The following ASTN1 variants were observed in gnomAD, a reference collection of about 807,000 sequenced individuals.
The protein encoded by ASTN1 is astrotactin 1, also known as astrotactin-1.
In ASTN1, 41 loss-of-function variants were observed where a neutral mutation model predicts 140.7. The ratio of observed to expected loss-of-function variants is 0.29; its 90% confidence interval spans 0.23 to 0.38. The LOEUF is 0.38. Among genes scored for constraint, ASTN1 ranks in the 10% least tolerant of loss-of-function variants. The pLI, the probability that ASTN1 is intolerant of heterozygous loss-of-function variation, is 1.00. For synonymous variants in ASTN1, 640 were observed against 652.2 expected, an observed-to-expected ratio of 0.98 and a Z score of 0.29; for missense variants, 1,479 against 1,678.8, an observed-to-expected ratio of 0.88 and a Z score of 2.08.
intron 1 of ASTN1, among the ~76,000 whole-genome samples, chr1:177,086,553 T>C (rs531904868): frequency 6.6e-6 from 1 of 152,198 alleles, no homozygotes; most frequent in Non-Finnish European, 1.5e-5. Context: ...GCACATATGA[T>C]GGAATACTAC....
At chr1:177,057,609 A>G (rs1193757470) in intron 2 of ASTN1, among the ~76,000 whole-genome samples, 1 of 152,218 alleles carries the variant, frequency 6.6e-6, no homozygotes, top group Non-Finnish European at 1.5e-5. Flanking sequence ...TTTTCTTAAC[A>G]GAAGAGGTTG....
chr1:177,031,584 A>G (rs1214599437), intron 3 of ASTN1, among the ~76,000 whole-genome samples: 3 of 152,214 alleles, frequency 2.0e-5, no homozygotes, highest in Non-Finnish European at 4.4e-5. Flanking sequence ...TTGGCTCTTC[A>G]TGTAGAATGT....
At chr1:177,045,564 T>G (rs1425468066) in intron 2 of ASTN1, among the ~76,000 whole-genome samples, 2 of 152,144 alleles carry the variant, frequency 1.3e-5, no homozygotes, top group Non-Finnish European at 2.9e-5. Context: ...AGGTGGTGGT[T>G]TCATTTCCCA....
intron 1 of ASTN1, among the ~76,000 whole-genome samples, chr1:177,120,400 T>C (rs1681324428): frequency 6.6e-6 from 1 of 152,130 alleles, no homozygotes; most frequent in South Asian, 2.1e-4. Context: ...GGCTTTCTCC[T>C]CACCTCACGC....
At chr1:176,964,304 C>G (rs903439151) in intron 9 of ASTN1, among the ~76,000 whole-genome samples, 1 of 152,088 alleles carries the variant, frequency 6.6e-6, no homozygotes, top group Non-Finnish European at 1.5e-5. Context: ...ATTCATCAGC[C>G]GCTTATGCAG....
At chr1:176,923,460 AATGGG>A (rs1670824853) in intron 16 of ASTN1, among the ~76,000 whole-genome samples, 3 of 152,170 alleles carry the variant, frequency 2.0e-5, no homozygotes, top group Non-Finnish European at 4.4e-5. Flanking sequence ...CTTAGAGTAG[AATGGG>A]CAATACAGCA....
intron 16 of ASTN1, among the ~76,000 whole-genome samples, chr1:176,898,208 G>T (rs567974058): frequency 1.3e-5 from 2 of 152,326 alleles, no homozygotes; most frequent in African/African-American, 4.8e-5. Flanking sequence ...GTAGAAATCC[G>T]TGGAGGGAAC....
intron 1 of ASTN1, among the ~76,000 whole-genome samples, chr1:177,097,511 G>C (rs897733175): frequency 1.3e-5 from 2 of 152,074 alleles, no homozygotes; most frequent in Non-Finnish European, 2.9e-5. Flanking sequence ...ATAGTACTAC[G>C]ATATCATGAT....
In ASTN1 at chr1:176,862,360, G is replaced by A. The variant is rs944217338; in HGVS notation, c.*1924C>T. On this transcript the variant is annotated 3_prime_UTR_variant, in exon 23 of 23. Transcript: ENST00000361833. ...CTTCCTTCCCAGTCATGAGGGTGGG[G>A]AGGAGGGCCATGTGCAGTGGAACTA... The A allele has an allele frequency of 5.1e-6, 5 of 985,496 alleles. No individual in the cohort carries two copies. The highest frequency in any genetic ancestry group is 4.8e-6 in the Non-Finnish European group (4 of 829,996). 61.0% of individuals were successfully genotyped at this position (985,496 alleles called of 1,614,324 possible).
intron 12 of ASTN1, 47 bp downstream of exon 12, chr1:176,949,138 C>G: frequency 6.2e-7 from 1 of 1,608,892 alleles, no homozygotes; most frequent in South Asian, 1.1e-5. Context: ...AGTCCTGCGT[C>G]CTGGGACAGA....
chr1:177,014,732 T>C, intron 8 of ASTN1, 59 bp downstream of exon 8: 12 of 1,478,590 alleles, frequency 8.1e-6, no homozygotes, highest in Non-Finnish European at 1.0e-5. Context: ...CTCCACGTCA[T>C]GTCTGTGTAA....
intron 1 of ASTN1, among the ~76,000 whole-genome samples, chr1:177,067,709 T>A (rs141256983): frequency 2.1e-3 from 326 of 152,254 alleles, no homozygotes; most frequent in African/African-American, 7.5e-3. Context: ...AGTCTTAATG[T>A]CTGTGGAAAG....
At chr1:176,945,861 G>T in intron 13 of ASTN1, 65 bp downstream of exon 13, 2 of 1,470,766 alleles carry the variant, frequency 1.4e-6, no homozygotes, top group Non-Finnish European at 1.8e-6. Context: ...TTATGCTAGT[G>T]CAAACTCTTT....
intron 8 of ASTN1, among the ~76,000 whole-genome samples, chr1:176,996,254 CA>C (rs1425184775): frequency 6.7e-6 from 1 of 149,250 alleles, no homozygotes; most frequent in African/African-American, 2.5e-5. Flanking sequence ...GAGACAGAGT[CA>C]TATATCCTCT....
At chr1:177,076,929 C>T (rs1169353292) in intron 1 of ASTN1, among the ~76,000 whole-genome samples, 2 of 152,128 alleles carry the variant, frequency 1.3e-5, no homozygotes, top group Non-Finnish European at 1.5e-5. Flanking sequence ...GAAAGTCTGT[C>T]ATCAGGGCCG....
At position 177,032,632 on chromosome 1, in the gene ASTN1, G is replaced by T. The variant is rs771638777; in HGVS notation, c.689C>A (p.Thr230Asn). 1.9e-6 allele frequency: 3 copies of T among 1,614,172 alleles called. No individual in the cohort carries two copies. The highest frequency in any genetic ancestry group is 4.5e-5 in the East Asian group (2 of 44,870). Residue 230 changes from threonine (T) to asparagine (N), a missense_variant, in exon 3 of 23, where the codon ACC becomes AAC. By Grantham distance (65) the Thr-to-Asn change is moderately conservative (BLOSUM62 0). Transcript: ENST00000361833. The part of the protein sequence containing the change: ...ARVQGHNSSG[T>N]LSIRETPILD... ...GATAGGTGTCTCCCGGATGCTCAGG[G>T]TGCCACTGGAGTTGTGGCCCTGCAC...
intron 1 of ASTN1, among the ~76,000 whole-genome samples, chr1:177,099,416 A>G (rs1485661239): frequency 6.6e-6 from 1 of 151,786 alleles, no homozygotes; most frequent in East Asian, 1.9e-4. Flanking sequence ...TTTTAATTTT[A>G]GAAAGGGAAA....
At chr1:177,010,462 T>G (rs1261475378) in intron 8 of ASTN1, among the ~76,000 whole-genome samples, 1 of 152,208 alleles carries the variant, frequency 6.6e-6, no homozygotes, top group Non-Finnish European at 1.5e-5. Context: ...GGCTGTAACC[T>G]CAAACATTCC....
chr1:176,930,032 G>A (rs913993986), intron 16 of ASTN1, among the ~76,000 whole-genome samples: 7 of 152,134 alleles, frequency 4.6e-5, no homozygotes, highest in African/African-American at 1.7e-4. Flanking sequence ...ATAACAGATG[G>A]TGAGTTGTAG....
Sources: allele counts gnomAD v4.1 joint callset (sites outside exome capture counted in the v4.1 genomes callset), GRCh38; gene constraint gnomAD v4.1.1; transcripts MANE v1.5; gene names NCBI Gene and HGNC (gene_info 2026-07-23, HGNC 2026-07-21).